CES5A: variants seen among roughly 807,000 people sequenced by gnomAD.
The protein encoded by CES5A is carboxylesterase 5.
Under a neutral mutation model 62.9 loss-of-function variants are expected in CES5A, and 67 were observed. The observed-to-expected ratio is 1.07, with a 90% CI of 0.88 to 1.31. The LOEUF (loss-of-function observed/expected upper bound fraction) is 1.31. CES5A is among the 50% of genes most tolerant of loss of function. The probability of loss-of-function intolerance (pLI) is 0.00; values close to 1 mark genes in which losing one functional copy is unlikely to be tolerated. For synonymous variants in CES5A, 296 were observed against 280.8 expected (o/e 1.05, Z -0.54); for missense variants, 748 against 708.5 (o/e 1.06, Z -0.63).
In CES5A at chr16:55,861,463, C is replaced by T. The variant is rs767030361; in HGVS notation, c.864G>A (p.Leu288=). The T allele has an allele frequency of 1.1e-4, 176 of 1,613,950 alleles. No individual in the cohort carries two copies. The highest frequency in any genetic ancestry group is 1.3e-5 in the Non-Finnish European group (15 of 1,179,932). The change falls in exon 7 of 13, where the codon CTG becomes CTA. Residue 288 remains leucine (L), a synonymous_variant. Coordinates refer to ENST00000290567, the MANE Select transcript of CES5A (RefSeq NM_001143685.2). ...AGGGTTTTGTCCTCAGGCACCTCAG[C>T]AGGGCCTCAGAGTCTGACGCATTGT... ...CGNNASDSEA[L]LRCLRTKPSK...
chr16:55,873,714 C>A, intron 2 of CES5A, 119 bp downstream of exon 2: 1 of 929,954 alleles, frequency 1.1e-6, no homozygotes, highest in Non-Finnish European at 1.6e-6. Context: ...GTCTCAAGCC[C>A]TCTCTCTCCC....
At chr16:55,923,890 C>G (rs2034233648) in intron 1 of CES5A, among the ~76,000 whole-genome samples, 1 of 151,838 alleles carries the variant, frequency 6.6e-6, no homozygotes, top group South Asian at 2.1e-4. Flanking sequence ...AAACCCTCAT[C>G]AAACTGGGTA....
intron 2 of CES5A, 159 bp from the exon 3 acceptor site, chr16:55,871,922 G>A: frequency 1.5e-6 from 1 of 667,738 alleles, no homozygotes; most frequent in Non-Finnish European, 2.5e-6. Flanking sequence ...AACCCCCATG[G>A]TTTCCAAAAC....
At chr16:55,910,630 C>A (rs2034083572) in intron 1 of CES5A, among the ~76,000 whole-genome samples, 1 of 152,220 alleles carries the variant, frequency 6.6e-6, no homozygotes, top group African/African-American at 2.4e-5. Context: ...CTAAACCTTC[C>A]ATATGCACGC....
chr16:55,896,608 G>A (rs2033937271), intron 1 of CES5A, among the ~76,000 whole-genome samples: 1 of 152,226 alleles, frequency 6.6e-6, no homozygotes, highest in African/African-American at 2.4e-5. Context: ...GGGACACTGA[G>A]TGTTAGGGTG....
chr16:55,936,536 CT>C (rs1243786535), intron 2 of CES5A, among the ~76,000 whole-genome samples: 7 of 152,190 alleles, frequency 4.6e-5, no homozygotes, highest in African/African-American at 1.7e-4. Flanking sequence ...GTTTCTCCAG[CT>C]GGCCACTAAG....
At chr16:55,932,081 G>T (rs1318956523) in intron 2 of CES5A, among the ~76,000 whole-genome samples, 3 of 152,182 alleles carry the variant, frequency 2.0e-5, no homozygotes, top group Non-Finnish European at 2.9e-5. Context: ...CAGAGGACTG[G>T]GTTGGTTATC....
chr16:55,887,825 A>T (rs1395924100), intron 1 of CES5A, among the ~76,000 whole-genome samples: 1 of 152,150 alleles, frequency 6.6e-6, no homozygotes, highest in African/African-American at 2.4e-5. Flanking sequence ...AGAAAGTATG[A>T]AAATATGTTG....
intron 1 of CES5A, among the ~76,000 whole-genome samples, chr16:55,897,329 C>T (rs1289001166): frequency 6.6e-6 from 1 of 152,072 alleles, no homozygotes; most frequent in African/African-American, 2.4e-5. Flanking sequence ...TCATTAGTCT[C>T]ACCAAAATGC....
chr16:55,954,069 C>CCAT (rs1271909757), intron 1 of CES5A, among the ~76,000 whole-genome samples: 1 of 152,098 alleles, frequency 6.6e-6, no homozygotes, highest in African/African-American at 2.4e-5. Flanking sequence ...CCTCTGGTAA[C>CCAT]CATCATTCTA....
At chr16:55,868,831 TG>T (rs1337145045) in intron 4 of CES5A, among the ~76,000 whole-genome samples, 3 of 152,200 alleles carry the variant, frequency 2.0e-5, no homozygotes, top group Non-Finnish European at 4.4e-5. Flanking sequence ...TTGTGACCCC[TG>T]GGAAGTTGTT....
upstream of CES5A, among the ~76,000 whole-genome samples, chr16:55,879,265 T>G (rs1196412827): frequency 6.8e-6 from 1 of 147,910 alleles, no homozygotes; most frequent in Non-Finnish European, 1.5e-5. Context: ...CCCCTAACAG[T>G]GTACCTCACC....
At chr16:55,879,350 T>C (rs2033737490), upstream of CES5A, among the ~76,000 whole-genome samples, 1 of 151,890 alleles carries the variant, frequency 6.6e-6, no homozygotes. Context: ...ACCATTGTAC[T>C]ACATCACTGT....
chr16:55,902,256 G>C (rs1489549210), intron 1 of CES5A, among the ~76,000 whole-genome samples: 8 of 152,168 alleles, frequency 5.3e-5, no homozygotes, highest in Admixed American at 3.9e-4. Context: ...GATCCATGGA[G>C]CATGGAATGG....
At chr16:55,897,715 G>A (rs574714434) in intron 1 of CES5A, among the ~76,000 whole-genome samples, 1 of 152,346 alleles carries the variant, frequency 6.6e-6, no homozygotes, top group East Asian at 1.9e-4. Flanking sequence ...AATACTGACA[G>A]TGGACACATG....
At chr16:55,855,012 C>T (rs1288466941) in intron 9 of CES5A, among the ~76,000 whole-genome samples, 1 of 152,218 alleles carries the variant, frequency 6.6e-6, no homozygotes, top group Non-Finnish European at 1.5e-5. Flanking sequence ...CTTGGTTCTT[C>T]CCAGTTTCTC....
intron 2 of CES5A, chr16:55,949,769 T>C: frequency 7.4e-7 from 1 of 1,346,922 alleles, no homozygotes; most frequent in Non-Finnish European, 1.0e-6. Context: ...TGGTAAATTC[T>C]TGTCAAACAA....
intron 1 of CES5A, among the ~76,000 whole-genome samples, chr16:55,914,058 G>A (rs2034120933): frequency 6.6e-6 from 1 of 152,094 alleles, no homozygotes; most frequent in Admixed American, 6.5e-5. Flanking sequence ...ATAAAATACA[G>A]GAGGTCCAGT....
At chr16:55,909,742 C>T (rs1328769009) in intron 1 of CES5A, among the ~76,000 whole-genome samples, 1 of 152,178 alleles carries the variant, frequency 6.6e-6, no homozygotes, top group Non-Finnish European at 1.5e-5. Flanking sequence ...GCTCTATGTC[C>T]GCTGCACTGG....
Sources: gnomAD v4.1 joint callset for allele counts (sites outside exome capture counted in the v4.1 genomes callset) on GRCh38, gnomAD v4.1.1 for gene constraint, MANE v1.5 for transcripts, NCBI Gene and HGNC (gene_info 2026-07-23, HGNC 2026-07-21) for gene names.